The following ARHGEF3 variants were observed in gnomAD, a reference collection of about 807,000 sequenced individuals.
ARHGEF3 encodes the protein Rho guanine nucleotide exchange factor 3, also known as 59.8 kDA protein.
Under a neutral mutation model 63.2 loss-of-function variants are expected in ARHGEF3, and 28 were observed. The observed-to-expected ratio is 0.44, with a 90% CI of 0.33 to 0.61. ARHGEF3 has a LOEUF of 0.61. Ranked by LOEUF, ARHGEF3 falls within the 20% of genes least tolerant of loss-of-function variation. The pLI, the probability that ARHGEF3 is intolerant of heterozygous loss-of-function variation, is 0.03. For missense variants in ARHGEF3, 533 were observed against 659.3 expected (o/e 0.81, Z 2.10); for synonymous variants, 266 against 254.2 (o/e 1.05, Z -0.44).
At chr3:56,847,585 T>G (rs1273250047) in intron 4 of ARHGEF3, among the ~76,000 whole-genome samples, 1 of 152,206 alleles carries the variant, frequency 6.6e-6, no homozygotes, top group Non-Finnish European at 1.5e-5. Context: ...TGTTATCTTA[T>G]TTTAGTTTTG....
intron 1 of ARHGEF3, among the ~76,000 whole-genome samples, chr3:57,042,685 TA>T (rs56232147): frequency 0.053 from 1,859 of 35,330 alleles, 177 homozygotes; most frequent in African/African-American, 0.11. Context: ...TATATATATA[TA>T]TATATATATA....
At chr3:57,078,088 T>C (rs547711067) in intron 1 of ARHGEF3, among the ~76,000 whole-genome samples, 1 of 152,328 alleles carries the variant, frequency 6.6e-6, no homozygotes, top group South Asian at 2.1e-4. Context: ...CCAGTCAGTA[T>C]TTTAAGCACT....
chr3:56,944,826 A>G (rs1435172119), intron 3 of ARHGEF3, among the ~76,000 whole-genome samples: 1 of 151,806 alleles, frequency 6.6e-6, no homozygotes, highest in Non-Finnish European at 1.5e-5. Context: ...TGATCCACCC[A>G]CCTCAGCCTC....
At chr3:56,963,925 T>C (rs963230589) in intron 2 of ARHGEF3, among the ~76,000 whole-genome samples, 3 of 152,224 alleles carry the variant, frequency 2.0e-5, no homozygotes, top group Non-Finnish European at 4.4e-5. Flanking sequence ...CTCATCACTT[T>C]GGCCTGTCTC....
chr3:56,729,867 C>A (rs148899905), intron 9 of ARHGEF3, among the ~76,000 whole-genome samples: 28 of 131,986 alleles, frequency 2.1e-4, no homozygotes, highest in Admixed American at 1.7e-3. Flanking sequence ...TGGAGATCAT[C>A]TTGGAACCAC....
intron 1 of ARHGEF3, among the ~76,000 whole-genome samples, chr3:56,800,580 T>C (rs1490896917): frequency 6.6e-6 from 1 of 152,184 alleles, no homozygotes; most frequent in Non-Finnish European, 1.5e-5. Context: ...GAATCTTTGA[T>C]GGTGTGCTCC....
At chr3:57,010,280 C>T (rs1277158643) in intron 2 of ARHGEF3, among the ~76,000 whole-genome samples, 1 of 151,616 alleles carries the variant, frequency 6.6e-6, no homozygotes, top group Non-Finnish European at 1.5e-5. Flanking sequence ...TGGTGAAACC[C>T]CATCTCTACT....
At chr3:56,963,454 A>G (rs948828565) in intron 2 of ARHGEF3, among the ~76,000 whole-genome samples, 5 of 152,204 alleles carry the variant, frequency 3.3e-5, no homozygotes, top group Non-Finnish European at 1.5e-5. Context: ...CAACATGGCC[A>G]CAAATCTGGA....
At chr3:56,874,382 G>C (rs1331891441) in intron 4 of ARHGEF3, among the ~76,000 whole-genome samples, 1 of 152,112 alleles carries the variant, frequency 6.6e-6, no homozygotes, top group Non-Finnish European at 1.5e-5. Context: ...TGCTGGCCAG[G>C]GCGAGGCTAA....
intron 4 of ARHGEF3, among the ~76,000 whole-genome samples, chr3:56,825,880 T>C (rs1199690623): frequency 6.6e-6 from 1 of 152,178 alleles, no homozygotes; most frequent in East Asian, 1.9e-4. Context: ...AGCTTATGGT[T>C]AAAATGGGAC....
intron 4 of ARHGEF3, among the ~76,000 whole-genome samples, chr3:56,829,686 T>C (rs914486654): frequency 2.6e-4 from 39 of 152,138 alleles, no homozygotes; most frequent in Non-Finnish European, 3.1e-4. Context: ...TGCCTTTAAA[T>C]CTTTGGAATG....
intron 3 of ARHGEF3, among the ~76,000 whole-genome samples, chr3:56,947,462 T>G (rs946462579): frequency 1.5e-4 from 23 of 151,970 alleles, no homozygotes; most frequent in South Asian, 2.1e-4. Flanking sequence ...AACAAAAAAA[T>G]GCAGGGGTTG....
At chr3:56,951,770 T>C (rs1470611411) in intron 3 of ARHGEF3, among the ~76,000 whole-genome samples, 1 of 152,030 alleles carries the variant, frequency 6.6e-6, no homozygotes, top group East Asian at 1.9e-4. Flanking sequence ...CTCTGTATGT[T>C]AGAGGTTAGT....
chr3:56,879,917 C>T (rs892210035), intron 4 of ARHGEF3, among the ~76,000 whole-genome samples: 2 of 152,194 alleles, frequency 1.3e-5, no homozygotes, highest in Non-Finnish European at 2.9e-5. Context: ...TAGTTCCATT[C>T]AACTCATCTC....
chr3:56,761,764 T>C (rs2035435417), intron 2 of ARHGEF3, among the ~76,000 whole-genome samples: 1 of 152,146 alleles, frequency 6.6e-6, no homozygotes, highest in South Asian at 2.1e-4. Flanking sequence ...ACACAGCTAA[T>C]GAATGGTGCT....
At chr3:56,785,299 G>C (rs560662037) in intron 1 of ARHGEF3, among the ~76,000 whole-genome samples, 3 of 152,136 alleles carry the variant, frequency 2.0e-5, no homozygotes, top group African/African-American at 4.8e-5. Flanking sequence ...AGGATTCAAG[G>C]CTATATTGGA....
chr3:56,773,507 A>G (rs2036117480), intron 2 of ARHGEF3, among the ~76,000 whole-genome samples: 1 of 152,202 alleles, frequency 6.6e-6, no homozygotes, highest in Admixed American at 6.5e-5. Context: ...GCCCAACCAC[A>G]ACAGCTCTGG....
intron 1 of ARHGEF3, among the ~76,000 whole-genome samples, chr3:56,794,643 C>T (rs1237849140): frequency 6.6e-6 from 1 of 152,108 alleles, no homozygotes; most frequent in Non-Finnish European, 1.5e-5. Context: ...CCAGAACCCT[C>T]TCAGATACCA....
At chr3:56,809,122 G>T (rs962686829) in intron 4 of ARHGEF3, among the ~76,000 whole-genome samples, 2 of 152,136 alleles carry the variant, frequency 1.3e-5, no homozygotes, top group African/African-American at 4.8e-5. Context: ...CCAGAACAGG[G>T]CAATGAATCA....
Sources: allele counts gnomAD v4.1 joint callset (sites outside exome capture counted in the v4.1 genomes callset), GRCh38; gene constraint gnomAD v4.1.1; transcripts MANE v1.5; gene names NCBI Gene and HGNC (gene_info 2026-07-23, HGNC 2026-07-21).